Variants in GALNT13 observed in about 807,000 individuals in gnomAD.
GALNT13 encodes the protein UDP-GalNAc:polypeptide N-acetylgalactosaminyltransferase 13.
Under a neutral mutation model 64.2 loss-of-function variants are expected in GALNT13, and 28 were observed. That is an observed-to-expected ratio of 0.44 (90% CI 0.32 to 0.60). GALNT13 has a LOEUF of 0.60. Ranked by LOEUF, GALNT13 falls within the 20% of genes least tolerant of loss-of-function variation. The pLI is 0.05. For synonymous variants in GALNT13, 214 were observed against 224.6 expected (o/e 0.95, Z 0.42); for missense variants, 577 against 669.8 (o/e 0.86, Z 1.53).
intron 1 of GALNT13, among the ~76,000 whole-genome samples, chr2:153,897,746 AAGG>A (rs1253594010): frequency 2.0e-5 from 3 of 152,094 alleles, no homozygotes; most frequent in African/African-American, 4.8e-5. Flanking sequence ...ATACTCGAAG[AAGG>A]AGTTTTCCCT....
the GALNT13 span, among the ~76,000 whole-genome samples, chr2:153,403,743 C>A: frequency 6.6e-6 from 1 of 152,150 alleles, no homozygotes. Context: ...ACTCCCTGAC[C>A]CCTTGCGCTT....
chr2:153,161,745 C>T, the GALNT13 span, among the ~76,000 whole-genome samples: 2 of 152,112 alleles, frequency 1.3e-5, no homozygotes, highest in African/African-American at 4.8e-5. Flanking sequence ...GGACTGGGCT[C>T]AGGTTTTGTA....
the GALNT13 span, among the ~76,000 whole-genome samples, chr2:153,830,152 A>G: frequency 2.0e-5 from 3 of 151,712 alleles, no homozygotes; most frequent in Non-Finnish European, 4.4e-5. Context: ...GCTTTTTTAA[A>G]TTTGCATGTT....
At chr2:154,100,880 C>A (rs1702312340) in intron 3 of GALNT13, among the ~76,000 whole-genome samples, 1 of 151,852 alleles carries the variant, frequency 6.6e-6, no homozygotes, top group Non-Finnish European at 1.5e-5. Context: ...TATTTTCTTT[C>A]CATGCCTAGT....
the GALNT13 span, among the ~76,000 whole-genome samples, chr2:153,248,780 C>A: frequency 7.1e-6 from 1 of 141,790 alleles, no homozygotes; most frequent in Non-Finnish European, 1.5e-5. Context: ...CGAGCCATTG[C>A]GCTCCAGCCT....
At chr2:153,997,846 A>T (rs1461127985) in intron 3 of GALNT13, among the ~76,000 whole-genome samples, 2 of 151,902 alleles carry the variant, frequency 1.3e-5, no homozygotes, top group East Asian at 3.9e-4. Context: ...CCCTGTGTCC[A>T]TGTGTTCTCA....
At chr2:154,371,765 T>TG (rs1405333835) in intron 9 of GALNT13, among the ~76,000 whole-genome samples, 4 of 147,530 alleles carry the variant, frequency 2.7e-5, no homozygotes, top group East Asian at 2.0e-4. Flanking sequence ...TTAAGCTTTT[T>TG]TTGTGTGTGT....
At chr2:154,363,596 G>A (rs12620985) in intron 9 of GALNT13, among the ~76,000 whole-genome samples, 100,050 of 152,124 alleles carry the variant, frequency 0.66, 33,225 homozygotes, top group East Asian at 0.76. Flanking sequence ...AAAGAACAGT[G>A]TGATGAAATG....
chr2:153,969,521 G>A (rs1184372159), intron 3 of GALNT13, among the ~76,000 whole-genome samples: 2 of 151,778 alleles, frequency 1.3e-5, no homozygotes, highest in Non-Finnish European at 2.9e-5. Context: ...TATAATCTTG[G>A]TTTATTTTTT....
At chr2:153,489,873 G>A in the GALNT13 span, among the ~76,000 whole-genome samples, 1 of 152,036 alleles carries the variant, frequency 6.6e-6, no homozygotes, top group East Asian at 1.9e-4. Flanking sequence ...CTCAAAAAGA[G>A]GAAGCTTCAC....
chr2:153,238,644 G>A, the GALNT13 span, among the ~76,000 whole-genome samples: 1 of 152,002 alleles, frequency 6.6e-6, no homozygotes, highest in Non-Finnish European at 1.5e-5. Flanking sequence ...TTCACTGTAG[G>A]TGTGTAGATT....
chr2:153,962,276 C>T (rs543869806), intron 3 of GALNT13, among the ~76,000 whole-genome samples: 3 of 152,246 alleles, frequency 2.0e-5, no homozygotes, highest in African/African-American at 7.2e-5. Context: ...AAGATCATTG[C>T]ATATTTACAT....
In GALNT13 at chr2:154,453,900, T is replaced by C. The variant is rs901627143; in HGVS notation, c.*3349T>C. 6.6e-6 allele frequency: 1 copy of C among 152,186 alleles called. No homozygotes were observed. The highest frequency in any genetic ancestry group is 2.4e-5 in the African/African-American group (1 of 41,460). 9.4% of individuals were successfully genotyped at this position (152,186 alleles called of 1,614,324 possible). On this transcript the variant is annotated 3_prime_UTR_variant, in exon 13 of 13. Coordinates refer to ENST00000392825, the MANE Select transcript of GALNT13 (RefSeq NM_052917.4). ...TCCTAATATTCTTCACATTAAACTA[T>C]GGACTCTAATTTTCTGGATAAAATA... is the stretch of plus-strand genomic sequence containing the variant.
the GALNT13 span, among the ~76,000 whole-genome samples, chr2:153,585,896 G>C: frequency 1.3e-5 from 2 of 152,062 alleles, no homozygotes; most frequent in African/African-American, 4.8e-5. Context: ...CATAAATAAA[G>C]AAGAAATAAA....
intron 3 of GALNT13, among the ~76,000 whole-genome samples, chr2:154,038,939 G>A (rs1357980925): frequency 6.6e-6 from 1 of 151,860 alleles, no homozygotes; most frequent in African/African-American, 2.4e-5. Context: ...TATTAAAAAT[G>A]GACAAAAAAA....
At chr2:153,938,082 C>T (rs1317918378) in intron 2 of GALNT13, among the ~76,000 whole-genome samples, 1 of 152,124 alleles carries the variant, frequency 6.6e-6, no homozygotes, top group African/African-American at 2.4e-5. Context: ...AACATCTTTG[C>T]ATATTGGTAA....
chr2:153,414,467 A>G, the GALNT13 span, among the ~76,000 whole-genome samples: 2 of 151,484 alleles, frequency 1.3e-5, no homozygotes, highest in Non-Finnish European at 2.9e-5. Context: ...TTAGAAACAC[A>G]GGATAAAAAG....
chr2:153,412,546 C>G, the GALNT13 span, among the ~76,000 whole-genome samples: 2 of 152,134 alleles, frequency 1.3e-5, no homozygotes, highest in Non-Finnish European at 1.5e-5. Flanking sequence ...CTCTCAGAAG[C>G]CAGTGGCAAG....
At chr2:153,362,007 A>G in the GALNT13 span, among the ~76,000 whole-genome samples, 1 of 152,226 alleles carries the variant, frequency 6.6e-6, no homozygotes, top group Non-Finnish European at 1.5e-5. Context: ...AGCCCATCAG[A>G]CTAACAGCAG....
Sources: gnomAD v4.1 joint callset for allele counts (sites outside exome capture counted in the v4.1 genomes callset) on GRCh38, gnomAD v4.1.1 for gene constraint, MANE v1.5 for transcripts, NCBI Gene and HGNC (gene_info 2026-07-23, HGNC 2026-07-21) for gene names.